The following COL18A1 variants were observed in gnomAD, a reference collection of about 807,000 sequenced individuals.
The protein encoded by COL18A1 is collagen type XVIII alpha 1 chain.
In COL18A1, 133 loss-of-function variants were observed where a neutral mutation model predicts 168.0. The ratio of observed to expected loss-of-function variants is 0.79; its 90% CI spans 0.69 to 0.91. COL18A1 has a LOEUF of 0.91. COL18A1 is among the 40% of genes least tolerant of loss of function. The pLI is 0.00. For missense variants in COL18A1, 2,126 were observed against 1,925.4 expected, an observed-to-expected ratio of 1.10 and a Z score of -1.95; for synonymous variants, 949 against 809.0, an observed-to-expected ratio of 1.17 and a Z score of -2.94.
At chr21:45,511,588 G>A (rs541134349) in intron 41 of COL18A1, among the ~76,000 whole-genome samples, 1 of 152,126 alleles carries the variant, frequency 6.6e-6, no homozygotes, top group Non-Finnish European at 1.5e-5. Context: ...CACGGAGTCC[G>A]AGCATGTGTG....
Position 45,480,831 on chromosome 21 carries a change from G to C in COL18A1, c.1584G>C (p.Glu528Asp). 6.2e-7 allele frequency: 1 copy of C among 1,611,358 alleles called. No individual in the cohort carries two copies. Among genetic ancestry groups the C allele is most frequent in the Non-Finnish European group, 8.5e-7 (1 of 1,179,540 alleles). ...PAGLPGVPGREGPPGFPGLPG... is the reference protein window; with the variant it reads ...PAGLPGVPGRDGPPGFPGLPG... ...GCCTTCCTGGTGTGCCTGGGCGCGAGGGTCCCCCCGGGTTTCCTGGCCTCC... is the reference window on the plus strand; with the variant it reads ...GCCTTCCTGGTGTGCCTGGGCGCGACGGTCCCCCCGGGTTTCCTGGCCTCC... The change falls in exon 13 of 42, where the codon GAG becomes GAC. Residue 528 changes from glutamate to aspartate, a missense_variant. By Grantham distance (45) the Glu-to-Asp change is conservative. Transcript: ENST00000651438.
At chr21:45,416,254 C>G (rs2033440294) in intron 2 of COL18A1, among the ~76,000 whole-genome samples, 1 of 152,228 alleles carries the variant, frequency 6.6e-6, no homozygotes, top group Non-Finnish European at 1.5e-5. Context: ...GTAGGGCCGG[C>G]CAGCCTGGAT....
chr21:45,452,093 A>G (rs1047039527), intron 2 of COL18A1, among the ~76,000 whole-genome samples: 1 of 152,244 alleles, frequency 6.6e-6, no homozygotes, highest in African/African-American at 2.4e-5. Context: ...ACCAAGGGGA[A>G]GAGGCCATGC....
intron 15 of COL18A1, 129 bp downstream of exon 15, chr21:45,482,950 T>C (rs1195348094): frequency 1.5e-6 from 2 of 1,333,822 alleles, no homozygotes. Flanking sequence ...TGACCCCCAC[T>C]CCTGCCATCT....
chr21:45,486,914 A>G lies in COL18A1; in HGVS notation c.1755A>G (p.Ala585=). The change falls in exon 16 of 42, where the codon GCA becomes GCG. Residue 585 remains alanine, a synonymous_variant. Coordinates refer to ENST00000651438, the MANE Select transcript of COL18A1 (RefSeq NM_001379500.1). The part of the protein sequence containing the change: ...PAGARGESGL[A]GAPGPAGPPG... ...GTGCTCGTGGGGAGAGCGGCCTGGC[A>G]GGAGCCCCCGGACCTGCTGGACCAC... 6.6e-7 allele frequency: 1 copy of G among 1,523,450 alleles called. No individual in the cohort carries two copies. Among genetic ancestry groups the G allele is most frequent in the South Asian group, 1.2e-5 (1 of 82,004 alleles). The allele number at this position is 1,523,450 out of a possible 1,614,324, so 94.4% of individuals were successfully genotyped here.
At chr21:45,509,230 G>A in intron 38 of COL18A1, 126 bp from the exon 39 acceptor site, 1 of 1,315,106 alleles carries the variant, frequency 7.6e-7, no homozygotes, top group Non-Finnish European at 1.0e-6. Flanking sequence ...CCAGAGTCGG[G>A]GGCGCAGCTC....
At chr21:45,441,068 C>G (rs543908266) in intron 2 of COL18A1, among the ~76,000 whole-genome samples, 1 of 152,334 alleles carries the variant, frequency 6.6e-6, no homozygotes, top group East Asian at 1.9e-4. Context: ...CCTTTCCGCT[C>G]CAAGCTCTGC....
chr21:45,504,079 G>C, intron 33 of COL18A1, 25 bp downstream of exon 33: 1 of 1,613,214 alleles, frequency 6.2e-7, no homozygotes, highest in South Asian at 1.1e-5. Context: ...TGTGGGGTTG[G>C]GGGCCCCCAA....
chr21:45,486,893 T>A lies in COL18A1; in HGVS notation c.1734T>A (p.Ala578=). Residue 578 remains alanine (A), a synonymous_variant, in exon 16 of 42, where the codon GCT becomes GCA. Coordinates refer to ENST00000651438, the MANE Select transcript of COL18A1 (RefSeq NM_001379500.1). ...GSKGAPGPAG[A]RGESGLAGAP... ...AGGGAGCCCCCGGTCCTGCTGGTGC[T>A]CGTGGGGAGAGCGGCCTGGCAGGAG... 6.6e-7 allele frequency: 1 copy of A among 1,526,490 alleles called. No homozygotes were observed. Among genetic ancestry groups the A allele is most frequent in the Non-Finnish European group, 8.8e-7 (1 of 1,136,960 alleles). The allele number at this position is 1,526,490 out of a possible 1,614,324, so 94.6% of individuals were successfully genotyped here.
At chr21:45,407,645 G>A (rs1441985054) in intron 2 of COL18A1, 1 of 152,286 alleles carries the variant, frequency 6.6e-6, no homozygotes, top group African/African-American at 2.4e-5. Context: ...TGTGTCACCG[G>A]GGCAGTTGCT....
chr21:45,428,210 G>A lies in COL18A1; in HGVS notation c.106+22737G>A, dbSNP rs372928030. Among the ~76,000 whole-genome samples the A allele has an allele frequency of 1.8e-4, 28 of 152,310 alleles. No individual in the cohort carries two copies. In the Middle Eastern group the frequency reaches 0.01, roughly 56 times the overall value. ...TGGGGGCTCTCAGAGTTTGAGGAGC[G>A]TGTGGTGAGGGTGGCCTCGGGCCTC... is the stretch of plus-strand genomic sequence containing the variant. On this transcript the variant is annotated intron_variant, in intron 2 of 41. Coordinates refer to ENST00000651438, the MANE Select transcript of COL18A1 (RefSeq NM_001379500.1).
At chr21:45,442,740 A>G (rs1380945100) in intron 2 of COL18A1, among the ~76,000 whole-genome samples, 9 of 37,462 alleles carry the variant, frequency 2.4e-4, no homozygotes, top group African/African-American at 1.6e-3. Context: ...TGGTGTGGGC[A>G]GCGGGGCTGG....
At chr21:45,496,671 G>T in intron 30 of COL18A1, 103 bp downstream of exon 30, 2 of 765,782 alleles carry the variant, frequency 2.6e-6, no homozygotes, top group Non-Finnish European at 4.8e-6. Flanking sequence ...TGCGTCTGGG[G>T]GTCCTTCTAG....
intron 2 of COL18A1, among the ~76,000 whole-genome samples, chr21:45,430,897 A>G (rs1292026344): frequency 6.6e-6 from 1 of 152,204 alleles, no homozygotes; most frequent in Non-Finnish European, 1.5e-5. Flanking sequence ...GGCGGATCAG[A>G]TGGAACAGAA....
intron 22 of COL18A1, among the ~76,000 whole-genome samples, chr21:45,491,840 C>G (rs1421846860): frequency 6.6e-6 from 1 of 152,244 alleles, no homozygotes; most frequent in Non-Finnish European, 1.5e-5. Context: ...ACATGGAACA[C>G]AGGGACCAAG....
chr21:45,451,699 A>T (rs2034626711), intron 2 of COL18A1, among the ~76,000 whole-genome samples: 1 of 152,198 alleles, frequency 6.6e-6, no homozygotes, highest in African/African-American at 2.4e-5. Flanking sequence ...TCCTCTATGA[A>T]GTCAGACTGG....
chr21:45,469,100 G>A (rs2035320360), intron 3 of COL18A1, among the ~76,000 whole-genome samples: 1 of 152,178 alleles, frequency 6.6e-6, no homozygotes, highest in African/African-American at 2.4e-5. Context: ...CCCAGCCCAG[G>A]AGGGCCCTCT....
Position 45,509,378 on chromosome 21 carries a change from A to C in COL18A1, c.3272A>C (p.Gln1091Pro). ...RGTDNEVAAL[Q>P]PPVVQLHDSN... ...CAGGACAATGAAGTGGCCGCCTTGCAGCCCCCCGTGGTGCAGCTGCACGAC... is the reference window on the plus strand; with the variant it reads ...CAGGACAATGAAGTGGCCGCCTTGCCGCCCCCCGTGGTGCAGCTGCACGAC... The change falls in exon 39 of 42, where the codon CAG (glutamine) becomes CCG (proline). Residue 1091 changes from glutamine (Q) to proline (P), a missense_variant. Physicochemically the swap from Gln to Pro is moderately conservative, Grantham distance 76. Coordinates refer to ENST00000651438, the MANE Select transcript of COL18A1 (RefSeq NM_001379500.1). 1 of 1,543,074 alleles carries C rather than the reference A, an allele frequency of 6.5e-7. No individual in the cohort carries two copies. The highest frequency in any genetic ancestry group is 1.9e-5 in the Admixed American group (1 of 52,088).
At chr21:45,487,043 C>A (rs1198407960) in intron 16 of COL18A1, 51 bp downstream of exon 16, 1 of 1,463,230 alleles carries the variant, frequency 6.8e-7, no homozygotes, top group Non-Finnish European at 9.0e-7. Flanking sequence ...CTGCCGTTGC[C>A]CCAGCCCTAC....
Sources: gnomAD v4.1 joint callset for allele counts (sites outside exome capture counted in the v4.1 genomes callset) on GRCh38, gnomAD v4.1.1 for gene constraint, MANE v1.5 for transcripts, NCBI Gene and HGNC (gene_info 2026-07-23, HGNC 2026-07-21) for gene names.